The following ABCC12 variants were observed in gnomAD, a reference collection of about 807,000 sequenced individuals.
ABCC12 encodes the protein ATP binding cassette subfamily C member 12.
ABCC12 carries 142 observed loss-of-function variants against 151.1 expected under a neutral mutation model. That is an observed-to-expected ratio of 0.94 (90% confidence interval 0.82 to 1.08). The LOEUF (loss-of-function observed/expected upper bound fraction) is 1.08, where lower values mean the gene tolerates loss of function less well. Among genes scored for constraint, ABCC12 ranks in the 50% least tolerant of loss-of-function variants. ABCC12 has a pLI of 0.00. For synonymous variants in ABCC12, 645 were observed against 646.4 expected, an observed-to-expected ratio of 1.00 and a Z score of 0.03; for missense variants, 1,638 against 1,691.1, an observed-to-expected ratio of 0.97 and a Z score of 0.55.
rs1964678112 is a variant in ABCC12, at chr16:48,138,248, G to T, written c.959C>A (p.Ser320Tyr). Reference sequence around the variant, plus strand: ...CCTACCTTGGATAGTGTTGGTAAAAGATTTCTCCCAGGCATACATTTTGAT... The same window carrying T: ...CCTACCTTGGATAGTGTTGGTAAAATATTTCTCCCAGGCATACATTTTGAT... ...RLIKMYAWEK[S>Y]FTNTIQDIRR... Residue 320 changes from serine (S) to tyrosine (Y), a missense_variant, in exon 8 of 31, where the codon TCT becomes TAT. Transcript: ENST00000311303. 2 of 1,610,720 alleles carry T rather than the reference G, an allele frequency of 1.2e-6. No individual in the cohort carries two copies. The highest frequency in any genetic ancestry group is 3.3e-5 in the Admixed American group (2 of 59,960).
At chr16:48,091,936 C>G (rs1282623420) in intron 24 of ABCC12, among the ~76,000 whole-genome samples, 1 of 152,132 alleles carries the variant, frequency 6.6e-6, no homozygotes, top group Non-Finnish European at 1.5e-5. Context: ...TGGGTGGGTC[C>G]TAAGTCCAGT....
At chr16:48,099,852 T>C (rs996240564) in intron 23 of ABCC12, among the ~76,000 whole-genome samples, 3 of 152,168 alleles carry the variant, frequency 2.0e-5, no homozygotes, top group Non-Finnish European at 4.4e-5. Flanking sequence ...TGTTGCCCCA[T>C]GGACCTTCAC....
intron 18 of ABCC12, 75 bp downstream of exon 18, chr16:48,111,361 A>G: frequency 2.0e-6 from 3 of 1,521,246 alleles, no homozygotes; most frequent in Non-Finnish European, 2.7e-6. Flanking sequence ...CAGTGTCTAC[A>G]CTGTCTGTAT....
At chr16:48,089,387 G>A (rs1020817250) in intron 25 of ABCC12, among the ~76,000 whole-genome samples, 1 of 151,954 alleles carries the variant, frequency 6.6e-6, no homozygotes, top group Non-Finnish European at 1.5e-5. Context: ...ACTAGAAGAA[G>A]AAAGATGATA....
At chr16:48,147,956 G>GGTT (rs111969023) in intron 2 of ABCC12, among the ~76,000 whole-genome samples, 23,568 of 152,000 alleles carry the variant, frequency 0.16, 3,082 homozygotes, top group African/African-American at 0.36. Flanking sequence ...TTGTTATTGT[G>GGTT]GTTGTTGTGG....
intron 25 of ABCC12, among the ~76,000 whole-genome samples, chr16:48,090,401 C>CT (rs1011013161): frequency 0.017 from 2,043 of 118,890 alleles, 28 homozygotes; most frequent in African/African-American, 0.039. Flanking sequence ...CAAATTTGAA[C>CT]TTTTTTTTTT....
chr16:48,121,235 A>G (rs965629946), intron 13 of ABCC12: 2 of 152,350 alleles, frequency 1.3e-5, no homozygotes, highest in African/African-American at 4.8e-5. Flanking sequence ...AAATCAAGTA[A>G]TTATAAGTTG....
intron 9 of ABCC12, 147 bp from the exon 10 acceptor site, chr16:48,131,042 T>C (rs541307608): frequency 2.3e-4 from 146 of 623,456 alleles, no homozygotes; most frequent in Non-Finnish European, 4.0e-4. Flanking sequence ...ATTTCATGGC[T>C]CAGAAACCAT....
chr16:48,093,512 A>C (rs1962986508), intron 24 of ABCC12, among the ~76,000 whole-genome samples: 1 of 151,644 alleles, frequency 6.6e-6, no homozygotes, highest in South Asian at 2.1e-4. Flanking sequence ...ACATTCCTCC[A>C]CTCGTTGTCT....
At chr16:48,133,967 G>A in intron 8 of ABCC12, 132 bp from the exon 9 acceptor site, 1 of 1,113,766 alleles carries the variant, frequency 9.0e-7, no homozygotes, top group Non-Finnish European at 1.2e-6. Context: ...TTAAATGAGA[G>A]GAACCACAGA....
At chr16:48,094,681 TA>T (rs772628276) in intron 24 of ABCC12, among the ~76,000 whole-genome samples, 2 of 152,188 alleles carry the variant, frequency 1.3e-5, no homozygotes, top group Non-Finnish European at 2.9e-5. Flanking sequence ...GAAATTGAAT[TA>T]ACTGCCTAGG....
At position 48,107,232 on chromosome 16, in the gene ABCC12, C is replaced by T. The variant is rs1963523693; in HGVS notation, c.2475+90G>A. 9 of 1,246,964 alleles carry T rather than the reference C, an allele frequency of 7.2e-6. No homozygotes were observed. In the East Asian group the frequency reaches 1.4e-4, roughly 19 times the overall value. 77.2% of individuals were successfully genotyped at this position (1,246,964 alleles called of 1,614,324 possible). Reference sequence around the variant, plus strand: ...CAGAGGGATGCATGTGGGCTCATGGCATGGTGGCAGGGGCAGTCAGATGCT... The same window carrying T: ...CAGAGGGATGCATGTGGGCTCATGGTATGGTGGCAGGGGCAGTCAGATGCT... On this transcript the variant is annotated intron_variant, in intron 20 of 30. Coordinates refer to ENST00000311303, the MANE Select transcript of ABCC12 (RefSeq NM_001393797.1).
chr16:48,085,743 A>T, intron 28 of ABCC12, 37 bp from the exon 29 acceptor site: 1 of 1,536,282 alleles, frequency 6.5e-7, no homozygotes, highest in Non-Finnish European at 9.0e-7. Flanking sequence ...TGTGCTGATG[A>T]TCTATAAAAT....
intron 4 of ABCC12, among the ~76,000 whole-genome samples, chr16:48,143,540 G>A (rs1159602498): frequency 2.6e-5 from 4 of 152,194 alleles, no homozygotes; most frequent in Non-Finnish European, 5.9e-5. Flanking sequence ...ATACAGTTTG[G>A]CTGTGTCCCC....
In ABCC12 at chr16:48,140,885, C is replaced by T; in HGVS notation, c.459G>A (p.Glu153=). The T allele has an allele frequency of 5.0e-6, 8 of 1,614,116 alleles. No homozygotes were observed. Among genetic ancestry groups the T allele is most frequent in the African/African-American group, 1.3e-5 (1 of 75,030 alleles). Residue 153 remains glutamate (E), a synonymous_variant, in exon 6 of 31, where the codon GAG becomes GAA. Coordinates refer to ENST00000311303, the MANE Select transcript of ABCC12 (RefSeq NM_001393797.1). Reference sequence around the variant, plus strand: ...CAACCCAGACTTTCCCAGAGGTCCTCTCAGTCTGCTGGAGGATTTGGTGAA... The same window carrying T: ...CAACCCAGACTTTCCCAGAGGTCCTTTCAGTCTGCTGGAGGATTTGGTGAA... The part of the protein sequence containing the change: ...VLIHQILQQT[E]RTSGKVWVGI...
intron 13 of ABCC12, among the ~76,000 whole-genome samples, chr16:48,117,944 C>A (rs1349088792): frequency 6.6e-6 from 1 of 152,194 alleles, no homozygotes. Context: ...GGTGAGGGGG[C>A]GGAATGGGAG....
intron 8 of ABCC12, among the ~76,000 whole-genome samples, chr16:48,135,539 C>T (rs1477520559): frequency 2.6e-5 from 4 of 151,972 alleles, no homozygotes; most frequent in Non-Finnish European, 5.9e-5. Flanking sequence ...TACCACCACA[C>T]CCAGATAATT....
intron 7 of ABCC12, among the ~76,000 whole-genome samples, chr16:48,138,805 A>AT (rs112593695): frequency 6.7e-4 from 99 of 148,254 alleles, no homozygotes; most frequent in East Asian, 4.1e-3. Flanking sequence ...TATCTCTACA[A>AT]TTTTTTTTTT....
In ABCC12 at chr16:48,143,964, A is replaced by G. The variant is rs767654952; in HGVS notation, c.221T>C (p.Val74Ala). Reference sequence around the variant, plus strand: ...TGTCGACAATGGGGGCAGGGTGTCTACGGTCAGCCTTTGCCGGTAGCCTTT... The same window carrying G: ...TGTCGACAATGGGGGCAGGGTGTCTGCGGTCAGCCTTTGCCGGTAGCCTTT... The part of the protein sequence containing the change: ...MVKGYRQRLT[V>A]DTLPPLSTYD... Residue 74 changes from valine (V) to alanine (A), a missense_variant, in exon 4 of 31, where the codon GTA (valine) becomes GCA (alanine). Coordinates refer to ENST00000311303, the MANE Select transcript of ABCC12 (RefSeq NM_001393797.1). The G allele has an allele frequency of 6.2e-7, 1 of 1,614,062 alleles. No individual in the cohort carries two copies. The highest frequency in any genetic ancestry group is 2.2e-5 in the East Asian group (1 of 44,894).
Sources: gnomAD v4.1 joint callset for allele counts (sites outside exome capture counted in the v4.1 genomes callset) on GRCh38, gnomAD v4.1.1 for gene constraint, MANE v1.5 for transcripts, NCBI Gene and HGNC (gene_info 2026-07-23, HGNC 2026-07-21) for gene names.